Variants in AQR observed in about 807,000 individuals in gnomAD.
AQR encodes RNA helicase aquarius.
Under a neutral mutation model 180.5 loss-of-function variants are expected in AQR, and 61 were observed. That is an observed-to-expected ratio of 0.34 (90% CI 0.28 to 0.42). The LOEUF (loss-of-function observed/expected upper bound fraction) is 0.42, where lower values mean the gene tolerates loss of function less well. Among genes scored for constraint, AQR ranks in the 10% least tolerant of loss-of-function variants. AQR has a pLI of 1.00. For missense variants in AQR, 1,281 were observed against 1,798.3 expected (o/e 0.71, Z 5.20); for synonymous variants, 551 against 588.8 (o/e 0.94, Z 0.93).
chr15:34,867,675 A>G, intron 31 of AQR, 66 bp from the exon 32 acceptor site: 1 of 1,108,018 alleles, frequency 9.0e-7, no homozygotes, highest in Non-Finnish European at 1.4e-6. Flanking sequence ...GATCATTTAA[A>G]TAATGTGCTA....
At chr15:34,908,174 G>A (rs935245126) in intron 17 of AQR, among the ~76,000 whole-genome samples, 4 of 152,154 alleles carry the variant, frequency 2.6e-5, no homozygotes, top group Non-Finnish European at 5.9e-5. Flanking sequence ...ATATTCAGCT[G>A]GGCACGGTGG....
At chr15:34,898,667 G>A (rs1359704733) in intron 20 of AQR, among the ~76,000 whole-genome samples, 1 of 152,102 alleles carries the variant, frequency 6.6e-6, no homozygotes, top group Admixed American at 6.5e-5. Flanking sequence ...GGTGAATCAC[G>A]AGGTCAGGAG....
chr15:34,917,224 C>T (rs1037863774), intron 15 of AQR, among the ~76,000 whole-genome samples: 1 of 152,108 alleles, frequency 6.6e-6, no homozygotes, highest in Non-Finnish European at 1.5e-5. Flanking sequence ...CTGGGTCTAT[C>T]GGAGTTATGG....
intron 31 of AQR, chr15:34,869,693 T>A (rs1394382079): frequency 6.6e-6 from 1 of 152,216 alleles, no homozygotes; most frequent in Non-Finnish European, 1.5e-5. Flanking sequence ...TTATGAAGTA[T>A]TCTGTGCAGT....
intron 2 of AQR, among the ~76,000 whole-genome samples, chr15:34,963,036 G>T (rs907057229): frequency 3.3e-5 from 5 of 152,136 alleles, no homozygotes; most frequent in African/African-American, 1.2e-4. Context: ...GAGTGCAGTG[G>T]CCTGATTACA....
chr15:34,950,291 T>C (rs543840483), intron 4 of AQR, among the ~76,000 whole-genome samples: 3 of 152,124 alleles, frequency 2.0e-5, no homozygotes, highest in Non-Finnish European at 4.4e-5. Context: ...GGTTTCACCA[T>C]GTTGGCCAGT....
chr15:34,890,380 T>C, intron 23 of AQR, 56 bp from the exon 24 acceptor site: 1 of 1,422,442 alleles, frequency 7.0e-7, no homozygotes, highest in Non-Finnish European at 9.8e-7. Context: ...AAAACTAACA[T>C]TTAGAAAGAA....
At chr15:34,936,875 T>C (rs74008006) in intron 9 of AQR, among the ~76,000 whole-genome samples, 6,342 of 152,180 alleles carry the variant, frequency 0.042, 469 homozygotes, top group African/African-American at 0.14. Context: ...CAATTTTTAT[T>C]ACAGACATTA....
chr15:34,945,191 T>G (rs1894091013), intron 5 of AQR, among the ~76,000 whole-genome samples: 1 of 152,246 alleles, frequency 6.6e-6, no homozygotes, highest in Non-Finnish European at 1.5e-5. Flanking sequence ...ATTTCTCTTC[T>G]GAGCTCTCAA....
intron 3 of AQR, among the ~76,000 whole-genome samples, chr15:34,955,276 G>A (rs1055569308): frequency 2.0e-5 from 3 of 152,010 alleles, no homozygotes; most frequent in Admixed American, 6.6e-5. Context: ...AGGACTTAAC[G>A]TGCATTTCAT....
intron 12 of AQR, 56 bp downstream of exon 12, chr15:34,930,202 T>C (rs1595800886): frequency 1.9e-6 from 2 of 1,061,040 alleles, no homozygotes; most frequent in South Asian, 3.0e-5. Flanking sequence ...AAAACCTAAA[T>C]TGCAGTATGA....
chr15:34,969,733 C>CG lies in AQR; in HGVS notation c.-121dup. On this transcript the variant is annotated 5_prime_UTR_variant, in exon 1 of 35. Transcript: ENST00000156471. ...TTAACTCCGCGCCGCACAAACGCTC[C>CG]GGGCCGGATATCCTCAGCCTTCAGA... is the stretch of plus-strand genomic sequence containing the variant. The CG allele has an allele frequency of 1.0e-6, 1 of 983,170 alleles. No homozygotes were observed. Among genetic ancestry groups the CG allele is most frequent in the Non-Finnish European group, 1.5e-6 (1 of 679,040 alleles). 60.9% of individuals were successfully genotyped at this position (983,170 alleles called of 1,614,324 possible). A position where few individuals can be genotyped will look rare whatever the true frequency, so the allele number is the denominator to read the frequency against.
chr15:34,909,401 T>A (rs995082955), intron 17 of AQR, among the ~76,000 whole-genome samples: 1 of 152,198 alleles, frequency 6.6e-6, no homozygotes, highest in African/African-American at 2.4e-5. Context: ...TTTGAACATA[T>A]CTGCCTCCAA....
At chr15:34,955,230 T>A (rs1324985250) in intron 3 of AQR, among the ~76,000 whole-genome samples, 3 of 152,182 alleles carry the variant, frequency 2.0e-5, no homozygotes, top group African/African-American at 7.2e-5. Flanking sequence ...TTACCAATAT[T>A]TACTGAGAGC....
chr15:34,874,528 A>T, intron 29 of AQR, 149 bp downstream of exon 29: 1 of 745,832 alleles, frequency 1.3e-6, no homozygotes, highest in Non-Finnish European at 2.2e-6. Context: ...CTCTTGCAGA[A>T]GTCGACAAAA....
chr15:34,969,720 C>A lies in AQR; in HGVS notation c.-107G>T. 8.9e-7 allele frequency: 1 copy of A among 1,117,812 alleles called. No homozygotes were observed. The highest frequency in any genetic ancestry group is 1.3e-6 in the Non-Finnish European group (1 of 796,550). 69.2% of individuals were successfully genotyped at this position (1,117,812 alleles called of 1,614,324 possible). On this transcript the variant is annotated 5_prime_UTR_variant, in exon 1 of 35. Coordinates refer to ENST00000156471, the MANE Select transcript of AQR (RefSeq NM_014691.3). ...ACTGCCGGGGCGCTTAACTCCGCGC[C>A]GCACAAACGCTCCGGGCCGGATATC...
At chr15:34,926,036 G>A (rs1459987965) in intron 13 of AQR, among the ~76,000 whole-genome samples, 3 of 151,730 alleles carry the variant, frequency 2.0e-5, no homozygotes, top group East Asian at 1.9e-4. Flanking sequence ...GCGTGGTGGC[G>A]GGCGCCTGTA....
chr15:34,952,569 G>A (rs1470747683), intron 4 of AQR, among the ~76,000 whole-genome samples: 2 of 152,150 alleles, frequency 1.3e-5, no homozygotes, highest in Non-Finnish European at 2.9e-5. Flanking sequence ...GCTTGGCAGG[G>A]AGAAAAAGTG....
intron 1 of AQR, among the ~76,000 whole-genome samples, chr15:34,966,764 C>T (rs2050311350): frequency 6.6e-6 from 1 of 151,646 alleles, no homozygotes; most frequent in Admixed American, 6.6e-5. Context: ...TCTCAGCAAT[C>T]TTGGGCCATG....
Sources: gnomAD v4.1 joint callset for allele counts (sites outside exome capture counted in the v4.1 genomes callset) on GRCh38, gnomAD v4.1.1 for gene constraint, MANE v1.5 for transcripts, NCBI Gene and HGNC (gene_info 2026-07-23, HGNC 2026-07-21) for gene names.